SNRPA1: variants seen among roughly 807,000 people sequenced by gnomAD.
The protein encoded by SNRPA1 is U2 small nuclear ribonucleoprotein A'.
A neutral mutation model predicts 32.3 loss-of-function variants in SNRPA1; 5 were observed. The observed-to-expected ratio is 0.15, with a 90% CI of 0.08 to 0.33. The LOEUF (loss-of-function observed/expected upper bound fraction) is 0.33, where lower values mean the gene tolerates loss of function less well. SNRPA1 is among the 10% of genes least tolerant of loss of function. SNRPA1 has a pLI of 1.00. For synonymous variants in SNRPA1, 111 were observed against 120.1 expected, an observed-to-expected ratio of 0.92 and a Z score of 0.50; for missense variants, 198 against 311.1, an observed-to-expected ratio of 0.64 and a Z score of 2.74.
At chr15:101,281,843 G>A in intron 8 of SNRPA1, 61 bp from the exon 9 acceptor site, 1 of 1,495,770 alleles carries the variant, frequency 6.7e-7, no homozygotes, top group Non-Finnish European at 9.3e-7. Context: ...CCCTTAGCAT[G>A]CAAGTGTTTG....
chr15:101,295,062 G>T, intron 1 of SNRPA1, 35 bp downstream of exon 1: 2 of 1,362,204 alleles, frequency 1.5e-6, no homozygotes, highest in Non-Finnish European at 9.8e-7. Context: ...GCTCGGTGCC[G>T]CCTGGGGACT....
In SNRPA1 at chr15:101,294,247, A is replaced by AAC. The variant is rs1299371073; in HGVS notation, c.82+848_82+849dup. ...GCGAGACTCCATCTCAACACAACAC[A>AAC]ACACAAAACAGTGGGATTTCCCAAA... On this transcript the variant is annotated intron_variant, in intron 1 of 8. Coordinates refer to ENST00000254193, the MANE Select transcript of SNRPA1 (RefSeq NM_003090.4). Among the ~76,000 whole-genome samples, 3 of 152,332 alleles carry AAC rather than the reference A, an allele frequency of 2.0e-5. No homozygotes were observed. In the East Asian group the frequency reaches 5.8e-4, roughly 29 times the overall value.
At chr15:101,287,789 T>G in intron 3 of SNRPA1, 87 bp from the exon 4 acceptor site, 1 of 1,191,290 alleles carries the variant, frequency 8.4e-7, no homozygotes, top group East Asian at 2.4e-5. Flanking sequence ...AAGCAAGTTG[T>G]CTTTTCATTA....
intron 1 of SNRPA1, chr15:101,293,520 A>C (rs1374667442): frequency 6.3e-6 from 1 of 159,240 alleles, no homozygotes. Context: ...TCGGCACAAC[A>C]GGAGTTTACA....
chr15:101,287,186 T>G (rs536727816), intron 4 of SNRPA1, among the ~76,000 whole-genome samples, 176 bp from the exon 5 acceptor site: 1 of 151,932 alleles, frequency 6.6e-6, no homozygotes, highest in East Asian at 1.9e-4. Flanking sequence ...TAAAAGGCAC[T>G]TTTTTTTTAA....
chr15:101,294,930 T>C (rs752941687), intron 1 of SNRPA1, 167 bp downstream of exon 1: 43 of 474,988 alleles, frequency 9.1e-5, no homozygotes, highest in Non-Finnish European at 1.3e-4. Context: ...GATGCTCATC[T>C]GGCAACAACG....
chr15:101,284,060 G>C (rs897650564), intron 8 of SNRPA1, among the ~76,000 whole-genome samples: 1 of 152,252 alleles, frequency 6.6e-6, no homozygotes, highest in Non-Finnish European at 1.5e-5. Flanking sequence ...ATCAAAACTT[G>C]TAAGACGTAT....
In SNRPA1 at chr15:101,281,882, A is replaced by G. The variant is rs2039399172; in HGVS notation, c.710-100T>C. 4 of 1,098,114 alleles carry G rather than the reference A, an allele frequency of 3.6e-6. No homozygotes were observed. In the East Asian group the frequency reaches 9.5e-5, roughly 26 times the overall value. The allele number at this position is 1,098,114 out of a possible 1,614,324, so 68.0% of individuals were successfully genotyped here. ...TGTGGCCACTGTTTGTTACACACTG[A>G]AGTAGGTACAAAAAGATCAAAAGCA... On this transcript the variant is annotated intron_variant, in intron 8 of 8. Transcript: ENST00000254193.
chr15:101,293,913 T>G (rs74041979), intron 1 of SNRPA1, among the ~76,000 whole-genome samples: 14,675 of 152,218 alleles, frequency 0.096, 1,966 homozygotes, highest in African/African-American at 0.3. Flanking sequence ...ACATGCTCCA[T>G]AAAGAGAAAT....
At chr15:101,290,376 T>C (rs533445687) in intron 3 of SNRPA1, among the ~76,000 whole-genome samples, 1 of 152,304 alleles carries the variant, frequency 6.6e-6, no homozygotes, top group Non-Finnish European at 1.5e-5. Flanking sequence ...CCTATAAATA[T>C]GTATTTCGGG....
intron 4 of SNRPA1, 122 bp downstream of exon 4, chr15:101,287,534 A>T: frequency 2.6e-6 from 2 of 756,966 alleles, no homozygotes; most frequent in Non-Finnish European, 2.3e-6. Context: ...TTATGGCTGC[A>T]TAGTATTCCA....
Position 101,285,035 on chromosome 15 carries a change from A to G in SNRPA1, c.641T>C (p.Leu214Pro). 1 of 1,613,936 alleles carries G rather than the reference A, an allele frequency of 6.2e-7. No homozygotes were observed. Among genetic ancestry groups the G allele is most frequent in the East Asian group, 2.2e-5 (1 of 44,882 alleles). ...CCCCTTCAGCCTCTCCACTTCAGCC[A>G]GAGTTGAAGCATTTGCTATGGCATT... ...IKNAIANAST[L>P]AEVERLKGLL... The change falls in exon 8 of 9, where the codon CTG becomes CCG. Residue 214 changes from leucine (L) to proline (P), a missense_variant. Leu to Pro is a moderately conservative substitution (Grantham distance 98, BLOSUM62 -3). This residue lies in a region of SNRPA1 where 77 missense variants were observed against 120.1 expected (regional missense o/e 0.64). Transcript: ENST00000254193.
Position 101,286,762 on chromosome 15 carries a change from AATGTG to A in SNRPA1, c.459+141_459+145del, listed in dbSNP as rs2039459331. 6.9e-6 allele frequency: 4 copies of A among 580,132 alleles called. No homozygotes were observed. The South Asian group carries it at 8.3e-5, about 12-fold the overall frequency. 35.9% of individuals were successfully genotyped at this position (580,132 alleles called of 1,614,324 possible). ...ATCATAAACTCTGCTATTAGAAAAA[AATGTG>A]ATGTAACATTTTCCCTCCCACTTTT... On this transcript the variant is annotated intron_variant, in intron 5 of 8. Transcript: ENST00000254193.
At chr15:101,286,727 T>TA (rs2039459085) in intron 5 of SNRPA1, 181 bp downstream of exon 5, 3 of 533,634 alleles carry the variant, frequency 5.6e-6, no homozygotes, top group Non-Finnish European at 1.0e-5. Flanking sequence ...AGCTCCAACT[T>TA]AAAAGTTCTA....
At chr15:101,285,119 A>G in intron 7 of SNRPA1, 59 bp from the exon 8 acceptor site, 1 of 1,203,900 alleles carries the variant, frequency 8.3e-7, no homozygotes, top group Non-Finnish European at 1.2e-6. Context: ...TCAGCTACCC[A>G]GAAAACTAAG....
intron 1 of SNRPA1, 131 bp downstream of exon 1, chr15:101,294,966 G>T: frequency 1.8e-6 from 1 of 543,576 alleles, no homozygotes; most frequent in Non-Finnish European, 3.1e-6. Flanking sequence ...GGCGTTCCCT[G>T]CGCAGCCCGG....
chr15:101,289,973 C>G (rs1016400072), intron 3 of SNRPA1: 6 of 139,932 alleles, frequency 4.3e-5, no homozygotes, highest in African/African-American at 1.6e-4. Context: ...AGAGAGAAAT[C>G]TAAACTACAA....
intron 7 of SNRPA1, 25 bp downstream of exon 7, chr15:101,285,701 T>C (rs1382764507): frequency 1.9e-6 from 3 of 1,539,022 alleles, no homozygotes; most frequent in Non-Finnish European, 2.7e-6. Flanking sequence ...CTCATTCCAG[T>C]CCAAGAATCC....
chr15:101,290,997 C>A (rs1422122091), intron 3 of SNRPA1, among the ~76,000 whole-genome samples: 1 of 152,124 alleles, frequency 6.6e-6, no homozygotes. Context: ...GCCTCGGCCT[C>A]CCAAAGTGCT....
Sources: gnomAD v4.1 joint callset for allele counts (sites outside exome capture counted in the v4.1 genomes callset) on GRCh38, gnomAD v4.1.1 for gene constraint, gnomAD v4.1.1 regional missense constraint, MANE v1.5 for transcripts, NCBI Gene and HGNC (gene_info 2026-07-23, HGNC 2026-07-21) for gene names.